The following PHACTR4 variants were observed in gnomAD, a reference collection of about 807,000 sequenced individuals.
The protein encoded by PHACTR4 is phosphatase and actin regulator 4, also known as protein phosphatase 1, regulatory subunit 124.
In PHACTR4, 51 loss-of-function variants were observed where a neutral mutation model predicts 72.7. That is an observed-to-expected ratio of 0.70 (90% CI 0.56 to 0.89). The LOEUF is 0.89. Among genes scored for constraint, PHACTR4 ranks in the 40% least tolerant of loss-of-function variants. PHACTR4 has a pLI of 0.00. For synonymous variants in PHACTR4, 255 were observed against 302.5 expected (o/e 0.84, Z 1.63); for missense variants, 731 against 861.8 (o/e 0.85, Z 1.90).
Position 28,466,379 on chromosome 1 carries a change from C to T in PHACTR4, c.437-3C>T, listed in dbSNP as rs1659168747. ...TTTTTATACCATACATGTTATTACA[C>T]AGGCTCAACTGGAAGCCAGCCTAAT... On this transcript the variant is annotated splice_polypyrimidine_tract_variant and splice_region_variant and intron_variant, in intron 5 of 13. Transcript: ENST00000373839. 3 of 1,606,212 alleles carry T rather than the reference C, an allele frequency of 1.9e-6. No individual in the cohort carries two copies. The highest frequency in any genetic ancestry group is 1.3e-5 in the African/African-American group (1 of 74,760).
rs1658026810 is a variant in PHACTR4, at chr1:28,452,182, T to G, written c.17-6903T>G. On this transcript the variant is annotated intron_variant, in intron 2 of 13. Coordinates refer to ENST00000373839, the MANE Select transcript of PHACTR4 (RefSeq NM_001048183.3). ...TTTCAATAAATGTATTGACAGATTGTTTGGAGATTTACAACAATTTGAAAA... is the reference window on the plus strand; with the variant it reads ...TTTCAATAAATGTATTGACAGATTGGTTGGAGATTTACAACAATTTGAAAA... 5.9e-5 allele frequency among the ~76,000 whole-genome samples: 9 copies of G among 152,118 alleles called. 1 individual carries two copies. The South Asian group carries it at 1.9e-3, about 32-fold the overall frequency.
At chr1:28,496,179 C>T (rs1263539729) in intron 13 of PHACTR4, among the ~76,000 whole-genome samples, 1 of 151,096 alleles carries the variant, frequency 6.6e-6, no homozygotes, top group African/African-American at 2.4e-5. Flanking sequence ...GCCTCAGCCT[C>T]GCGAGTAGCT....
intron 2 of PHACTR4, among the ~76,000 whole-genome samples, chr1:28,457,013 A>G (rs1417885745): frequency 6.6e-6 from 1 of 152,194 alleles, no homozygotes; most frequent in Non-Finnish European, 1.5e-5. Context: ...GTCCTTGTAT[A>G]AGTCATGCAA....
chr1:28,488,974 T>A (rs1474133875), intron 9 of PHACTR4, among the ~76,000 whole-genome samples, 196 bp from the exon 10 acceptor site: 1 of 152,202 alleles, frequency 6.6e-6, no homozygotes, highest in East Asian at 1.9e-4. Context: ...TTCCTTTTTA[T>A]AATGTGATAT....
chr1:28,440,280 C>A (rs958232572), intron 2 of PHACTR4, among the ~76,000 whole-genome samples: 2 of 107,082 alleles, frequency 1.9e-5, no homozygotes, highest in East Asian at 5.2e-4. Flanking sequence ...CCAGCCTGGG[C>A]GACAGAGCGA....
chr1:28,455,359 G>A (rs1417467106), intron 2 of PHACTR4, among the ~76,000 whole-genome samples: 1 of 151,244 alleles, frequency 6.6e-6, no homozygotes, highest in African/African-American at 2.4e-5. Context: ...ACCACACCCA[G>A]CTAATTTTTG....
At chr1:28,447,384 CTT>C (rs1429583812) in intron 2 of PHACTR4, among the ~76,000 whole-genome samples, 6 of 149,028 alleles carry the variant, frequency 4.0e-5, no homozygotes, top group Admixed American at 1.3e-4. Context: ...TGTATTTCCT[CTT>C]TCTTTTTTCT....
At chr1:28,442,038 T>C (rs1160792532) in intron 2 of PHACTR4, among the ~76,000 whole-genome samples, 3 of 152,174 alleles carry the variant, frequency 2.0e-5, no homozygotes, top group Admixed American at 2.0e-4. Context: ...TAGTTCTTAA[T>C]GAACATAAAA....
intron 1 of PHACTR4, among the ~76,000 whole-genome samples, chr1:28,394,685 C>T (rs1653348710): frequency 6.6e-6 from 1 of 151,622 alleles, no homozygotes; most frequent in Admixed American, 6.6e-5. Context: ...CAACCTCTGG[C>T]TCCCAGGTTC....
chr1:28,414,877 T>G (rs891941679), intron 2 of PHACTR4, among the ~76,000 whole-genome samples: 2 of 152,072 alleles, frequency 1.3e-5, no homozygotes, highest in Non-Finnish European at 2.9e-5. Context: ...TGATTTTAGG[T>G]CACCTCCCTT....
chr1:28,386,163 G>A (rs368520600), intron 1 of PHACTR4, among the ~76,000 whole-genome samples: 8 of 151,972 alleles, frequency 5.3e-5, no homozygotes, highest in Non-Finnish European at 1.0e-4. Flanking sequence ...GTGCGATCTC[G>A]GCTCATTGCA....
At chr1:28,482,908 C>T (rs1033745944) in intron 9 of PHACTR4, among the ~76,000 whole-genome samples, 4 of 150,876 alleles carry the variant, frequency 2.7e-5, no homozygotes, top group African/African-American at 9.8e-5. Flanking sequence ...CACTGCACTC[C>T]ACCCTGGGTG....
chr1:28,470,154 A>G (rs1659472521), intron 6 of PHACTR4, among the ~76,000 whole-genome samples: 2 of 152,076 alleles, frequency 1.3e-5, no homozygotes, highest in African/African-American at 4.8e-5. Context: ...GCATTTGGGG[A>G]GGCCGAGGTG....
chr1:28,443,551 G>A (rs533522916), intron 2 of PHACTR4, among the ~76,000 whole-genome samples: 3 of 151,398 alleles, frequency 2.0e-5, no homozygotes, highest in Non-Finnish European at 4.4e-5. Flanking sequence ...AGATTCAAGC[G>A]ATCCTCCCCC....
At chr1:28,403,898 G>T (rs61783819) in intron 1 of PHACTR4, among the ~76,000 whole-genome samples, 2 of 152,154 alleles carry the variant, frequency 1.3e-5, no homozygotes, top group Non-Finnish European at 2.9e-5. Flanking sequence ...GTTACAACAC[G>T]TATCAATACT....
chr1:28,453,444 G>A (rs746733832), intron 2 of PHACTR4: 6 of 300,090 alleles, frequency 2.0e-5, no homozygotes, highest in Non-Finnish European at 3.7e-5. Context: ...AAGTTGAATC[G>A]CCTGATGTGA....
chr1:28,401,674 T>C (rs1370531340), intron 1 of PHACTR4, among the ~76,000 whole-genome samples: 5 of 152,038 alleles, frequency 3.3e-5, no homozygotes. Context: ...GGTGCAGTCA[T>C]AGCTCACTGT....
In PHACTR4 at chr1:28,466,971, T is replaced by C. The variant is rs913477571; in HGVS notation, c.823+203T>C. 8 of 632,112 alleles carry C rather than the reference T, an allele frequency of 1.3e-5. No individual in the cohort carries two copies. In the African/African-American group the frequency reaches 1.5e-4, roughly 12 times the overall value. 39.2% of individuals were successfully genotyped at this position (632,112 alleles called of 1,614,324 possible). A position where few individuals can be genotyped will look rare whatever the true frequency, so the allele number is the denominator to read the frequency against. On this transcript the variant is annotated intron_variant, in intron 6 of 13. Transcript: ENST00000373839. ...GGCTCACGCCTGTAATCCCAGCACT[T>C]TGGGAGGCCGAGGTGGGTGGATCAC...
intron 2 of PHACTR4, among the ~76,000 whole-genome samples, chr1:28,431,323 TA>T (rs1373926526): frequency 6.7e-6 from 1 of 150,198 alleles, no homozygotes; most frequent in African/African-American, 2.4e-5. Context: ...GCCTCCCAAG[TA>T]GCTGGGACTA....
Sources: allele counts gnomAD v4.1 joint callset (sites outside exome capture counted in the v4.1 genomes callset), GRCh38; gene constraint gnomAD v4.1.1; transcripts MANE v1.5; gene names NCBI Gene and HGNC (gene_info 2026-07-23, HGNC 2026-07-21).